Variants in NTM observed in about 807,000 individuals in gnomAD.
NTM encodes the protein neurotrimin, also known as IgLON family member 2.
In NTM, 13 loss-of-function variants were observed where a neutral mutation model predicts 42.1. The ratio of observed to expected loss-of-function variants is 0.31; its 90% CI spans 0.20 to 0.49. The LOEUF (loss-of-function observed/expected upper bound fraction) is 0.49. NTM is among the 20% of genes least tolerant of loss of function. The pLI is 0.99. For missense variants in NTM, 373 were observed against 452.8 expected, an observed-to-expected ratio of 0.82 and a Z score of 1.60; for synonymous variants, 187 against 179.2, an observed-to-expected ratio of 1.04 and a Z score of -0.35.
chr11:132,060,989 T>C (rs1228774168), intron 2 of NTM, among the ~76,000 whole-genome samples: 2 of 152,224 alleles, frequency 1.3e-5, no homozygotes, highest in Non-Finnish European at 2.9e-5. Flanking sequence ...ATTTTGTGAA[T>C]GCATGCTAAA....
At chr11:132,317,597 A>ATATAATATATGT (rs1389913144) in intron 7 of NTM, 2 of 997,866 alleles carry the variant, frequency 2.0e-6, no homozygotes, top group Non-Finnish European at 2.8e-6. Flanking sequence ...ATAGCACTGT[A>ATATAATATATGT]TATAATATAT....
intron 1 of NTM, among the ~76,000 whole-genome samples, chr11:131,876,829 G>C (rs188618304): frequency 1.3e-5 from 2 of 152,034 alleles, no homozygotes; most frequent in African/African-American, 2.4e-5. Context: ...TATATGAGGA[G>C]AAGGCATAGT....
At chr11:131,455,278 C>A (rs772863942) in intron 1 of NTM, among the ~76,000 whole-genome samples, 1 of 152,160 alleles carries the variant, frequency 6.6e-6, no homozygotes, top group South Asian at 2.1e-4. Context: ...GGAGGTGTTA[C>A]GAGTAGACGG....
At chr11:131,943,678 T>C (rs1194029081) in intron 2 of NTM, among the ~76,000 whole-genome samples, 3 of 152,232 alleles carry the variant, frequency 2.0e-5, no homozygotes, top group East Asian at 3.9e-4. Context: ...GGCCCAAGCA[T>C]GGATAAAGAA....
intron 1 of NTM, among the ~76,000 whole-genome samples, chr11:131,786,534 CTG>C (rs2089256367): frequency 1.3e-5 from 2 of 152,180 alleles, no homozygotes; most frequent in Non-Finnish European, 2.9e-5. Context: ...CAGATGATTA[CTG>C]AGCACCCTCC....
rs149081445 is a variant in NTM, at chr11:131,439,147, G to A, written c.82+68259G>A. Among the ~76,000 whole-genome samples the A allele has an allele frequency of 6.1e-3, 931 of 152,240 alleles. 14 individuals carry two copies. The highest frequency in any genetic ancestry group is 0.021 in the African/African-American group (859 of 41,562). ...AGAATAGCAGATATTGCAGAACAGC[G>A]AATATTGCTTCCTGATCCTTCCTCT... is the stretch of plus-strand genomic sequence containing the variant. On this transcript the variant is annotated intron_variant, in intron 1 of 8. Transcript: ENST00000683400.
At chr11:131,530,412 T>A (rs892438517) in intron 1 of NTM, among the ~76,000 whole-genome samples, 1 of 140,702 alleles carries the variant, frequency 7.1e-6, no homozygotes, top group Non-Finnish European at 1.5e-5. Flanking sequence ...CTAGTAAAGT[T>A]GAGTGCCTTT....
At chr11:131,517,743 G>T (rs1005633143) in intron 1 of NTM, among the ~76,000 whole-genome samples, 3 of 152,126 alleles carry the variant, frequency 2.0e-5, no homozygotes, top group Non-Finnish European at 2.9e-5. Context: ...TACCTGTATT[G>T]ACCTGCCTTC....
At chr11:131,508,173 T>C (rs1311484829) in intron 1 of NTM, among the ~76,000 whole-genome samples, 2 of 146,226 alleles carry the variant, frequency 1.4e-5, no homozygotes, top group Non-Finnish European at 3.0e-5. Context: ...TACAATGAAC[T>C]CAAACAAATT....
At chr11:131,892,295 C>T (rs77655450) in intron 1 of NTM, among the ~76,000 whole-genome samples, 145 of 152,246 alleles carry the variant, frequency 9.5e-4, no homozygotes, top group Non-Finnish European at 1.4e-3. Context: ...TAATTTATTC[C>T]GCAAATCTAA....
At chr11:131,712,290 T>C (rs1045195309) in intron 1 of NTM, among the ~76,000 whole-genome samples, 4 of 151,744 alleles carry the variant, frequency 2.6e-5, no homozygotes, top group African/African-American at 9.7e-5. Context: ...CTCTTTACAA[T>C]GCTTGTACCC....
At chr11:132,132,413 A>G (rs1244775519) in intron 2 of NTM, among the ~76,000 whole-genome samples, 1 of 152,234 alleles carries the variant, frequency 6.6e-6, no homozygotes, top group African/African-American at 2.4e-5. Flanking sequence ...TTGTATCATA[A>G]GCTCCTAAAA....
intron 1 of NTM, among the ~76,000 whole-genome samples, chr11:131,686,909 A>G (rs2073955665): frequency 6.6e-6 from 1 of 152,216 alleles, no homozygotes; most frequent in South Asian, 2.1e-4. Context: ...AATTAGAGGC[A>G]ATCATAACCC....
intron 1 of NTM, among the ~76,000 whole-genome samples, chr11:131,422,184 C>A (rs1414596281): frequency 4.1e-5 from 6 of 148,118 alleles, no homozygotes; most frequent in African/African-American, 1.5e-4. Context: ...TAGGCTGTTG[C>A]AGGGATAGCT....
At chr11:131,453,816 C>T (rs1591711048) in intron 1 of NTM, among the ~76,000 whole-genome samples, 1 of 84,690 alleles carries the variant, frequency 1.2e-5, no homozygotes, top group Admixed American at 1.6e-4. Context: ...GTGATAACTC[C>T]AACATCCACA....
intron 1 of NTM, among the ~76,000 whole-genome samples, chr11:131,663,859 C>T (rs1053740828): frequency 1.3e-5 from 2 of 152,168 alleles, no homozygotes; most frequent in African/African-American, 4.8e-5. Context: ...TCATCCTCTT[C>T]TTACAAACAA....
In NTM at chr11:132,066,591, C is replaced by A. The variant is rs187480571; in HGVS notation, c.168-79691C>A. Among the ~76,000 whole-genome samples the A allele has an allele frequency of 2.6e-5, 4 of 152,296 alleles. No individual in the cohort carries two copies. The East Asian group carries it at 5.8e-4, about 22-fold the overall frequency. ...GCCCCACATCAAGACATTGGCAGAG[C>A]CGCAGGAGCGTAGGGGATAATCTAT... is the stretch of plus-strand genomic sequence containing the variant. On this transcript the variant is annotated intron_variant, in intron 2 of 8. Coordinates refer to ENST00000683400, the MANE Select transcript of NTM (RefSeq NM_001352005.2).
chr11:132,030,851 A>G (rs2075823148), intron 2 of NTM, among the ~76,000 whole-genome samples: 1 of 152,242 alleles, frequency 6.6e-6, no homozygotes, highest in South Asian at 2.1e-4. Context: ...ATAGTGCTGC[A>G]TAAAACTCAT....
At chr11:131,412,791 C>A (rs1164002178) in intron 1 of NTM, among the ~76,000 whole-genome samples, 3 of 136,326 alleles carry the variant, frequency 2.2e-5, no homozygotes, top group Admixed American at 7.3e-5. Context: ...AAAAGCAACT[C>A]CCTTCTTACG....
Sources: allele counts gnomAD v4.1 joint callset (sites outside exome capture counted in the v4.1 genomes callset), GRCh38; gene constraint gnomAD v4.1.1; transcripts MANE v1.5; gene names NCBI Gene and HGNC (gene_info 2026-07-23, HGNC 2026-07-21).